Variants in PCDH11X observed in about 807,000 individuals in gnomAD.
PCDH11X encodes the protein protocadherin-11 X-linked.
A neutral mutation model predicts 53.3 loss-of-function variants in PCDH11X; 18 were observed. That is an observed-to-expected ratio of 0.34 (90% CI 0.23 to 0.50). The LOEUF (loss-of-function observed/expected upper bound fraction) is 0.50, where lower values mean the gene tolerates loss of function less well. Among genes scored for constraint, PCDH11X ranks in the 20% least tolerant of loss-of-function variants. The pLI, the probability that PCDH11X is intolerant of heterozygous loss-of-function variation, is 0.98. For missense variants in PCDH11X, 570 were observed against 1,032.4 expected (o/e 0.55, Z 6.14); for synonymous variants, 279 against 393.3 (o/e 0.71, Z 3.44).
intron 7 of PCDH11X, among the ~76,000 whole-genome samples, chrX:92,244,206 G>A (rs912545668): frequency 9.1e-5 from 10 of 109,543 alleles, no homozygotes; most frequent in Admixed American, 3.0e-4. Flanking sequence ...ATTTATACAT[G>A]TTTAAAGCCT....
At chrX:92,610,565 G>A (rs1346047836) in intron 10 of PCDH11X, among the ~76,000 whole-genome samples, 1 of 109,916 alleles carries the variant, frequency 9.1e-6, no homozygotes, top group Admixed American at 9.8e-5. Context: ...CTGGTTGATA[G>A]CTTATTTTGC....
intron 10 of PCDH11X, among the ~76,000 whole-genome samples, chrX:92,536,653 C>CTTTTTT (rs57786279): frequency 2.0e-5 from 1 of 49,833 alleles, no homozygotes; most frequent in Non-Finnish European, 3.7e-5. Flanking sequence ...GGATAAAAGC[C>CTTTTTT]TTTTTTTTTT....
intron 7 of PCDH11X, among the ~76,000 whole-genome samples, chrX:92,219,086 T>C (rs2066799597): frequency 9.0e-6 from 1 of 110,878 alleles, no homozygotes; most frequent in African/African-American, 3.3e-5. Flanking sequence ...CCATGGCCAA[T>C]ATCATACTGA....
At chrX:92,382,829 G>A (rs1373783646) in intron 8 of PCDH11X, among the ~76,000 whole-genome samples, 5 of 104,301 alleles carry the variant, frequency 4.8e-5, no homozygotes, top group African/African-American at 7.0e-5. Context: ...TTTAATTTCT[G>A]TGTCACAACT....
chrX:91,951,973 G>A (rs190255258), intron 6 of PCDH11X, among the ~76,000 whole-genome samples: 4 of 110,551 alleles, frequency 3.6e-5, no homozygotes, highest in Non-Finnish European at 5.7e-5. Context: ...AATATTATGG[G>A]TGTGGTAATT....
At chrX:92,048,197 C>T (rs1225643299) in intron 6 of PCDH11X, among the ~76,000 whole-genome samples, 1 of 95,472 alleles carries the variant, frequency 1.0e-5, no homozygotes, top group African/African-American at 3.8e-5. Context: ...TTTCAAAATA[C>T]AAATAATTCT....
intron 6 of PCDH11X, among the ~76,000 whole-genome samples, chrX:92,004,516 A>C (rs1255871396): frequency 1.8e-5 from 2 of 110,825 alleles, no homozygotes; most frequent in African/African-American, 6.6e-5. Context: ...ATTGGGAACT[A>C]TCCCTCTCTT....
intron 6 of PCDH11X, among the ~76,000 whole-genome samples, chrX:92,009,896 G>T (rs2062662346): frequency 9.2e-6 from 1 of 108,978 alleles, no homozygotes; most frequent in Admixed American, 9.9e-5. Context: ...GTACAGACGG[G>T]GTTTCACCAT....
At chrX:92,441,335 G>A (rs922320339) in intron 9 of PCDH11X, among the ~76,000 whole-genome samples, 8 of 110,948 alleles carry the variant, frequency 7.2e-5, no homozygotes, top group African/African-American at 2.0e-4. Context: ...CCAAGACAAT[G>A]GGGAAAATAT....
chrX:91,992,885 A>T (rs950332062), intron 6 of PCDH11X, among the ~76,000 whole-genome samples: 4 of 112,082 alleles, frequency 3.6e-5, no homozygotes, highest in African/African-American at 1.3e-4. Context: ...ATTAAATCTT[A>T]TGCTTTAACT....
chrX:92,038,644 CA>C (rs1480846425), intron 6 of PCDH11X, among the ~76,000 whole-genome samples: 2 of 109,837 alleles, frequency 1.8e-5, no homozygotes, highest in Non-Finnish European at 3.8e-5. Flanking sequence ...TGGGAAGGGC[CA>C]GGGGTGGAAT....
chrX:91,848,484 T>A (rs1937819727), intron 5 of PCDH11X, among the ~76,000 whole-genome samples: 1 of 111,913 alleles, frequency 8.9e-6, no homozygotes, highest in African/African-American at 3.3e-5. Context: ...TTTGTTCATC[T>A]ACATTACAAA....
At chrX:92,508,875 A>C (rs2074115055) in intron 10 of PCDH11X, among the ~76,000 whole-genome samples, 1 of 108,396 alleles carries the variant, frequency 9.2e-6, no homozygotes, top group Admixed American at 1.0e-4. Context: ...TGAAAAGTGA[A>C]GAGTTTTGCC....
intron 8 of PCDH11X, among the ~76,000 whole-genome samples, chrX:92,345,027 T>C (rs183574001): frequency 2.9e-4 from 32 of 110,101 alleles, no homozygotes; most frequent in Admixed American, 2.5e-3. Context: ...ATATTCTTTC[T>C]CTGTTTCTTT....
chrX:91,914,404 T>C, intron 6 of PCDH11X, among the ~76,000 whole-genome samples: 1 of 110,426 alleles, frequency 9.1e-6, no homozygotes, highest in Non-Finnish European at 1.9e-5. Context: ...CAAGAAGAAA[T>C]CTCTGAATTG....
At chrX:92,555,140 A>G (rs1364016015) in intron 10 of PCDH11X, among the ~76,000 whole-genome samples, 1 of 111,451 alleles carries the variant, frequency 9.0e-6, no homozygotes, top group Non-Finnish European at 1.9e-5. Flanking sequence ...TAATAGTATC[A>G]GAAAGAATCT....
chrX:91,915,920 C>T (rs1285653674), intron 6 of PCDH11X, among the ~76,000 whole-genome samples: 1 of 110,218 alleles, frequency 9.1e-6, no homozygotes, highest in Non-Finnish European at 1.9e-5. Flanking sequence ...GAATATCCTC[C>T]AGAGTAGAAC....
chrX:92,190,334 T>C (rs2066173629), intron 6 of PCDH11X, among the ~76,000 whole-genome samples: 1 of 111,895 alleles, frequency 8.9e-6, no homozygotes, highest in South Asian at 3.7e-4. Flanking sequence ...TCTTTCCCCA[T>C]TGCTTGCTCT....
intron 6 of PCDH11X, among the ~76,000 whole-genome samples, chrX:92,158,109 G>C (rs759888305): frequency 9.0e-6 from 1 of 111,125 alleles, no homozygotes; most frequent in Non-Finnish European, 1.9e-5. Flanking sequence ...CCAGCTACTG[G>C]GGAGGCTGAG....
Sources: allele counts gnomAD v4.1 joint callset (sites outside exome capture counted in the v4.1 genomes callset), GRCh38; gene constraint gnomAD v4.1.1; transcripts MANE v1.5; gene names NCBI Gene and HGNC (gene_info 2026-07-23, HGNC 2026-07-21).